The following ZFR variants were observed in gnomAD, a reference collection of about 807,000 sequenced individuals.
ZFR encodes the protein zinc finger RNA-binding protein.
A neutral mutation model predicts 130.7 loss-of-function variants in ZFR; 19 were observed. The observed-to-expected ratio is 0.15, with a 90% confidence interval of 0.10 to 0.21. The LOEUF is 0.21. Ranked by LOEUF, ZFR falls within the 10% of genes least tolerant of loss-of-function variation. ZFR has a pLI of 1.00. For synonymous variants in ZFR, 466 were observed against 456.9 expected, an observed-to-expected ratio of 1.02 and a Z score of -0.25; for missense variants, 872 against 1,321.5, an observed-to-expected ratio of 0.66 and a Z score of 5.27.
chr5:32,414,040 T>C (rs777843780), intron 5 of ZFR, among the ~76,000 whole-genome samples: 22 of 152,114 alleles, frequency 1.4e-4, no homozygotes, highest in Non-Finnish European at 5.9e-5. Flanking sequence ...CTCCATTTCT[T>C]AATATAGCCT....
intron 2 of ZFR, among the ~76,000 whole-genome samples, chr5:32,427,513 A>T (rs373482372): frequency 1.3e-5 from 2 of 152,320 alleles, no homozygotes; most frequent in African/African-American, 2.4e-5. Flanking sequence ...ATGGAAAGAC[A>T]TCCCATGTTC....
At chr5:32,386,789 A>T (rs1753055173) in intron 14 of ZFR, among the ~76,000 whole-genome samples, 2 of 152,152 alleles carry the variant, frequency 1.3e-5, no homozygotes, top group Non-Finnish European at 2.9e-5. Flanking sequence ...TGCTACAGTA[A>T]GGTACTGTTC....
intron 19 of ZFR, among the ~76,000 whole-genome samples, chr5:32,361,475 G>C (rs1752428893): frequency 6.6e-6 from 1 of 152,040 alleles, no homozygotes; most frequent in African/African-American, 2.4e-5. Flanking sequence ...TATTCAGAGA[G>C]ACTTATAAAA....
At chr5:32,442,429 T>C (rs1009875540) in intron 2 of ZFR, among the ~76,000 whole-genome samples, 12 of 152,246 alleles carry the variant, frequency 7.9e-5, no homozygotes, top group Non-Finnish European at 2.9e-5. Context: ...AAAAAGCTGT[T>C]GAATTTTTTA....
chr5:32,431,133 A>G (rs927868903), intron 2 of ZFR, among the ~76,000 whole-genome samples: 1 of 152,222 alleles, frequency 6.6e-6, no homozygotes, highest in African/African-American at 2.4e-5. Flanking sequence ...GGAAATTCTC[A>G]AAGATTTACT....
intron 19 of ZFR, among the ~76,000 whole-genome samples, chr5:32,356,832 C>A (rs1279641545): frequency 2.0e-5 from 3 of 152,102 alleles, no homozygotes; most frequent in Non-Finnish European, 2.9e-5. Flanking sequence ...GACCGCTGAA[C>A]ATATAAAAGT....
chr5:32,385,772 A>C, intron 14 of ZFR, 123 bp from the exon 15 acceptor site: 1 of 984,806 alleles, frequency 1.0e-6, no homozygotes, highest in African/African-American at 1.6e-5. Context: ...CAGATTATAT[A>C]CTGCTCCTTC....
chr5:32,413,795 A>G (rs890763825), intron 5 of ZFR, among the ~76,000 whole-genome samples: 5 of 152,240 alleles, frequency 3.3e-5, no homozygotes, highest in Admixed American at 2.6e-4. Flanking sequence ...TCTAGGAATC[A>G]TAAATTCAGT....
At chr5:32,433,398 A>G (rs527473624) in intron 2 of ZFR, among the ~76,000 whole-genome samples, 38 of 152,298 alleles carry the variant, frequency 2.5e-4, no homozygotes, top group African/African-American at 8.2e-4. Context: ...ATGTTCTCTA[A>G]ACACAGCTAA....
intron 6 of ZFR, 162 bp downstream of exon 6, chr5:32,406,612 T>C (rs1004915977): frequency 8.3e-5 from 83 of 995,522 alleles, no homozygotes; most frequent in Non-Finnish European, 8.6e-5. Context: ...AGTTTTTTTT[T>C]CCCTGAAAAT....
chr5:32,366,386 C>A (rs1752545930), intron 17 of ZFR, among the ~76,000 whole-genome samples: 1 of 152,180 alleles, frequency 6.6e-6, no homozygotes, highest in South Asian at 2.1e-4. Flanking sequence ...TCAAGTAACT[C>A]AAAGCTTTTT....
intron 11 of ZFR, chr5:32,394,545 C>T (rs76584396): frequency 0.017 from 2,615 of 157,470 alleles, 37 homozygotes; most frequent in Non-Finnish European, 0.026. Context: ...TTGTCCAGGG[C>T]TGGGGCTGGG....
At chr5:32,436,296 C>A (rs1237923537) in intron 2 of ZFR, among the ~76,000 whole-genome samples, 7 of 151,482 alleles carry the variant, frequency 4.6e-5, no homozygotes, top group Non-Finnish European at 1.0e-4. Context: ...CTACAGGCGC[C>A]CACCACCACG....
At chr5:32,357,057 C>G (rs927770393) in intron 19 of ZFR, among the ~76,000 whole-genome samples, 1 of 151,872 alleles carries the variant, frequency 6.6e-6, no homozygotes, top group African/African-American at 2.4e-5. Flanking sequence ...GGTGCCATCA[C>G]AACTCACTGC....
intron 8 of ZFR, among the ~76,000 whole-genome samples, chr5:32,400,870 A>G (rs1481500804): frequency 6.6e-6 from 1 of 152,204 alleles, no homozygotes; most frequent in African/African-American, 2.4e-5. Flanking sequence ...GGTAACATCT[A>G]GGTCATGCCC....
intron 2 of ZFR, among the ~76,000 whole-genome samples, chr5:32,431,652 C>T (rs1754219396): frequency 6.6e-6 from 1 of 152,052 alleles, no homozygotes; most frequent in Admixed American, 6.6e-5. Context: ...ATCTGACCTT[C>T]CCTTTAGTCC....
chr5:32,408,844 C>G (rs550246491), intron 5 of ZFR, among the ~76,000 whole-genome samples: 3 of 152,218 alleles, frequency 2.0e-5, no homozygotes, highest in Non-Finnish European at 4.4e-5. Context: ...TATTATCACA[C>G]TTTCTATCTT....
chr5:32,421,909 G>T (rs1753967347), intron 2 of ZFR, among the ~76,000 whole-genome samples: 1 of 152,008 alleles, frequency 6.6e-6, no homozygotes. Context: ...CTCCATATCT[G>T]TAAGAAAATG....
chr5:32,444,243 A>G lies in ZFR; in HGVS notation c.123T>C (p.Ala41=), dbSNP rs560358007. Residue 41 remains alanine (A), a synonymous_variant, in exon 2 of 20, where the codon GCT becomes GCC. Coordinates refer to ENST00000265069, the MANE Select transcript of ZFR (RefSeq NM_016107.5). ...FTHSGAAAAA[A]AAQYSQQPAS... is the part of the protein sequence containing the mutation. The stretch of plus-strand genomic sequence containing the variant: ...GATGCCGTTACCTATATTGGGCCGC[A>G]GCCGCCGCCGCCGCCGCCCCGCTGT... 1.3e-6 allele frequency: 2 copies of G among 1,582,964 alleles called. No homozygotes were observed. The highest frequency in any genetic ancestry group is 1.3e-5 in the African/African-American group (1 of 74,094).
Sources: gnomAD v4.1 joint callset for allele counts (sites outside exome capture counted in the v4.1 genomes callset) on GRCh38, gnomAD v4.1.1 for gene constraint, MANE v1.5 for transcripts, NCBI Gene and HGNC (gene_info 2026-07-23, HGNC 2026-07-21) for gene names.